Variants in CHD2 observed in about 807,000 individuals in gnomAD.
CHD2 encodes ATP-dependent chromatin remodeler CHD2.
CHD2 carries 28 observed loss-of-function variants against 243.9 expected under a neutral mutation model. The ratio of observed to expected loss-of-function variants is 0.11; its 90% CI spans 0.09 to 0.16. The LOEUF is 0.16. CHD2 is among the 10% of genes least tolerant of loss of function. CHD2 has a pLI of 1.00. For missense variants in CHD2, 1,386 were observed against 2,209.8 expected, an observed-to-expected ratio of 0.63 and a Z score of 7.47; for synonymous variants, 775 against 779.0, an observed-to-expected ratio of 0.99 and a Z score of 0.09.
chr15:92,922,725 G>C (rs1329791833), intron 2 of CHD2, among the ~76,000 whole-genome samples: 1 of 152,184 alleles, frequency 6.6e-6, no homozygotes. Flanking sequence ...AAGATGGGTA[G>C]TTTTTAAGCA....
chr15:92,949,479 T>A (rs1355692309), intron 13 of CHD2, among the ~76,000 whole-genome samples: 1 of 152,196 alleles, frequency 6.6e-6, no homozygotes, highest in African/African-American at 2.4e-5. Flanking sequence ...TTTAAATTAA[T>A]TTCCTACAGT....
At chr15:93,014,551 C>G (rs1360629478) in intron 36 of CHD2, 145 bp from the exon 37 acceptor site, 2 of 679,454 alleles carry the variant, frequency 2.9e-6, no homozygotes, top group Non-Finnish European at 5.0e-6. Flanking sequence ...AATTTATGAG[C>G]CTTTTTTTTG....
chr15:92,977,675 T>C (rs1484963143), intron 20 of CHD2, among the ~76,000 whole-genome samples: 1 of 152,208 alleles, frequency 6.6e-6, no homozygotes, highest in African/African-American at 2.4e-5. Context: ...CAAACCTGTT[T>C]TGATTTTTTT....
chr15:93,002,267 G>A lies in CHD2; in HGVS notation c.4228G>A (p.Asp1410Asn), dbSNP rs775901148. 6.2e-7 allele frequency: 1 copy of A among 1,601,876 alleles called. No individual in the cohort carries two copies. Among genetic ancestry groups the A allele is most frequent in the Non-Finnish European group, 8.5e-7 (1 of 1,174,432 alleles). The change falls in exon 33 of 39, where the codon GAC becomes AAC. Residue 1410 changes from aspartate to asparagine, a missense_variant. Asp to Asn is a conservative substitution (Grantham distance 23). Transcript: ENST00000394196. Reference sequence around the variant, plus strand: ...GGAGAAACAAATGAGTTCTAGGAAAGACAAAGAAGGGGACAAGGAAAGAAA... The same window carrying A: ...GGAGAAACAAATGAGTTCTAGGAAAAACAAAGAAGGGGACAAGGAAAGAAA... ...NKEKQMSSRKDKEGDKERKKS... is the reference protein window; with the variant it reads ...NKEKQMSSRKNKEGDKERKKS...
At chr15:92,949,131 T>C in intron 13 of CHD2, 55 bp downstream of exon 13, 1 of 1,582,004 alleles carries the variant, frequency 6.3e-7, no homozygotes, top group Non-Finnish European at 8.5e-7. Context: ...TTCTTTATTG[T>C]TAGATGTCAA....
At chr15:92,918,272 A>G (rs2052881796) in intron 2 of CHD2, among the ~76,000 whole-genome samples, 1 of 152,250 alleles carries the variant, frequency 6.6e-6, no homozygotes, top group South Asian at 2.1e-4. Context: ...TTTATCCACA[A>G]GCAAAAGGAA....
At chr15:92,942,757 G>T in intron 8 of CHD2, 86 bp from the exon 9 acceptor site, 2 of 1,002,786 alleles carry the variant, frequency 2.0e-6, no homozygotes, top group Non-Finnish European at 2.8e-6. Flanking sequence ...TCCACAAAGG[G>T]AGTCTTCAGA....
intron 6 of CHD2, among the ~76,000 whole-genome samples, chr15:92,938,639 CATT>C (rs1421869984): frequency 6.6e-6 from 1 of 152,156 alleles, no homozygotes; most frequent in Non-Finnish European, 1.5e-5. Context: ...GAATTTTGCT[CATT>C]ATTTATTACA....
At chr15:93,002,733 T>C in intron 33 of CHD2, among the ~76,000 whole-genome samples, 1 of 152,228 alleles carries the variant, frequency 6.6e-6, no homozygotes, top group East Asian at 1.9e-4. Flanking sequence ...TATAAATGGA[T>C]GAAAAGCCTT....
At chr15:92,930,651 C>T (rs371997049) in intron 5 of CHD2, among the ~76,000 whole-genome samples, 3 of 152,226 alleles carry the variant, frequency 2.0e-5, no homozygotes, top group African/African-American at 7.2e-5. Context: ...AGGCTGGTTT[C>T]AACCTCCTGA....
intron 33 of CHD2, among the ~76,000 whole-genome samples, chr15:93,002,862 C>A (rs1025193730): frequency 2.6e-5 from 4 of 152,308 alleles, no homozygotes; most frequent in African/African-American, 9.6e-5. Context: ...TGCCAAAACA[C>A]AAACAACTGC....
chr15:92,970,688 A>G (rs1428416518), intron 17 of CHD2, among the ~76,000 whole-genome samples: 1 of 152,136 alleles, frequency 6.6e-6, no homozygotes, highest in Non-Finnish European at 1.5e-5. Context: ...AGCACCCCAT[A>G]GTAGCTTATA....
intron 16 of CHD2, among the ~76,000 whole-genome samples, chr15:92,961,836 A>G (rs1449423930): frequency 3.2e-4 from 47 of 147,438 alleles, no homozygotes; most frequent in Admixed American, 2.9e-3. Flanking sequence ...CAAAGAAGCA[A>G]CTTTTGACAT....
At chr15:93,018,715 A>G (rs1243546991) in intron 37 of CHD2, among the ~76,000 whole-genome samples, 1 of 152,244 alleles carries the variant, frequency 6.6e-6, no homozygotes, top group East Asian at 1.9e-4. Flanking sequence ...GGTGGCTGCC[A>G]GCAGTTCTTG....
At chr15:92,963,238 C>G (rs911491427) in intron 16 of CHD2, among the ~76,000 whole-genome samples, 7 of 152,172 alleles carry the variant, frequency 4.6e-5, no homozygotes, top group African/African-American at 1.7e-4. Context: ...ATATGTCTTA[C>G]ATCTTTTTTG....
At position 92,927,297 on chromosome 15, in the gene CHD2, A is replaced by G. The variant is rs1490966239; in HGVS notation, c.348A>G (p.Arg116=). The G allele has an allele frequency of 6.2e-7, 1 of 1,613,960 alleles. No homozygotes were observed. Among genetic ancestry groups the G allele is most frequent in the East Asian group, 2.2e-5 (1 of 44,858 alleles). ...GGGTCAGGCGGTCAAACCGAAGCAG[A>G]CAAGAACCATCGCGATTTAATATTA... ...VYGVRRSNRS[R]QEPSRFNIKE... is the part of the protein sequence containing the mutation. Residue 116 remains arginine (R), a synonymous_variant, in exon 4 of 39, where the codon AGA becomes AGG. Coordinates refer to ENST00000394196, the MANE Select transcript of CHD2 (RefSeq NM_001271.4).
At chr15:93,006,442 C>G (rs774547576) in intron 34 of CHD2, among the ~76,000 whole-genome samples, 6 of 152,046 alleles carry the variant, frequency 3.9e-5, no homozygotes, top group Non-Finnish European at 8.8e-5. Context: ...TCTCTCTTAC[C>G]TCCCAGACGT....
At position 93,005,135 on chromosome 15, in the gene CHD2, G is replaced by A. The variant is rs566496282; in HGVS notation, c.4413+384G>A. Among the ~76,000 whole-genome samples, 18 of 152,150 alleles carry A rather than the reference G, an allele frequency of 1.2e-4. 1 individual carries two copies. The highest frequency in any genetic ancestry group is 8.5e-4 in the Admixed American group (13 of 15,284). On this transcript the variant is annotated intron_variant, in intron 34 of 38. Transcript: ENST00000394196. ...TTCTATCATCGTAAACTGTACATTG[G>A]AGTAGGGGAGTTAGATAACTACACA...
chr15:92,956,442 T>C lies in CHD2; in HGVS notation c.1810-17T>C. On this transcript the variant is annotated splice_polypyrimidine_tract_variant and intron_variant, in intron 15 of 38. Transcript: ENST00000394196. ...CCTTCTGACCTGGTGGCTCGTTCTG[T>C]TTTGTTTTTACTTTAGACTGTGCTG... 6.2e-7 allele frequency: 1 copy of C among 1,601,572 alleles called. No individual in the cohort carries two copies. Among genetic ancestry groups the C allele is most frequent in the South Asian group, 1.1e-5 (1 of 87,990 alleles).
Sources: gnomAD v4.1 joint callset for allele counts (sites outside exome capture counted in the v4.1 genomes callset) on GRCh38, gnomAD v4.1.1 for gene constraint, MANE v1.5 for transcripts, NCBI Gene and HGNC (gene_info 2026-07-23, HGNC 2026-07-21) for gene names.